DUOX1: variants seen among roughly 807,000 people sequenced by gnomAD.
DUOX1 encodes the protein dual oxidase 1, also known as NADPH thyroid oxidase 1.
Under a neutral mutation model 181.8 loss-of-function variants are expected in DUOX1, and 134 were observed. That is an observed-to-expected ratio of 0.74 (90% confidence interval 0.64 to 0.85). The LOEUF is 0.85. Among genes scored for constraint, DUOX1 ranks in the 40% least tolerant of loss-of-function variants. DUOX1 has a pLI of 0.00. For synonymous variants in DUOX1, 798 were observed against 832.5 expected, an observed-to-expected ratio of 0.96 and a Z score of 0.71; for missense variants, 1,814 against 2,064.4, an observed-to-expected ratio of 0.88 and a Z score of 2.35.
Position 45,160,839 on chromosome 15 carries a change from C to G in DUOX1, c.3705C>G (p.Leu1235=), listed in dbSNP as rs1567021272. 6.2e-7 allele frequency: 1 copy of G among 1,603,294 alleles called. No homozygotes were observed. Among genetic ancestry groups the G allele is most frequent in the East Asian group, 2.2e-5 (1 of 44,848 alleles). Residue 1235 remains leucine, a splice_region_variant and synonymous_variant, in exon 29 of 34, where the codon CTC becomes CTG. Transcript: ENST00000389037. ...HHLYILLYVL[L]IIHGSFALIQ... The stretch of plus-strand genomic sequence containing the variant: ...GCAGAGCTCTTTCCTCCATCTAGCT[C>G]ATCATCCATGGTAGCTTTGCCCTGA...
At position 45,143,202 on chromosome 15, in the gene DUOX1, G is replaced by T; in HGVS notation, c.1835G>T (p.Ser612Ile). ...LCCFPLVSLLSAWIVARLRMR... is the reference protein window; with the variant it reads ...LCCFPLVSLLIAWIVARLRMR... ...TCTGCCCTCCCAGTGAGCCTGCTCAGTGCCTGGATTGTTGCCCGGCTCCGG... is the reference window on the plus strand; with the variant it reads ...TCTGCCCTCCCAGTGAGCCTGCTCATTGCCTGGATTGTTGCCCGGCTCCGG... Residue 612 changes from serine to isoleucine, a missense_variant, in exon 16 of 34, where the codon AGT becomes ATT. Ser to Ile is a moderately radical substitution (Grantham distance 142, BLOSUM62 -2). Around this residue, in one of 5 missense-constraint regions of DUOX1, gnomAD observed 1,064 missense variants for 1,152.9 expected, o/e 0.92. Transcript: ENST00000389037. The T allele has an allele frequency of 6.2e-7, 1 of 1,614,122 alleles. No individual in the cohort carries two copies.
chr15:45,143,796 T>C (rs1019356582), intron 16 of DUOX1, among the ~76,000 whole-genome samples: 1 of 152,262 alleles, frequency 6.6e-6, no homozygotes, highest in Non-Finnish European at 1.5e-5. Flanking sequence ...AAATAATTCA[T>C]GCAAAGCACT....
At chr15:45,136,851 C>A (rs902208180) in intron 9 of DUOX1, among the ~76,000 whole-genome samples, 1 of 152,204 alleles carries the variant, frequency 6.6e-6, no homozygotes, top group Non-Finnish European at 1.5e-5. Context: ...TACCCTCCCC[C>A]CCACCATTAA....
intron 20 of DUOX1, 94 bp from the exon 21 acceptor site, chr15:45,148,178 G>C (rs191062753): frequency 6.3e-7 from 1 of 1,574,928 alleles, no homozygotes; most frequent in Admixed American, 1.7e-5. Context: ...CCTCCACATG[G>C]GCACAGAGAA....
At position 45,144,491 on chromosome 15, in the gene DUOX1, A is replaced by G. The variant is rs113306988; in HGVS notation, c.2136+256A>G. 4.1e-3 allele frequency among the ~76,000 whole-genome samples: 630 copies of G among 152,238 alleles called. 2 individuals are homozygous for G. The highest frequency in any genetic ancestry group is 0.014 in the African/African-American group (599 of 41,542). ...ACCACAGTCTGCCTCCTCCTTTTCT[A>G]AGGACAACCTGTCAGGTCCCAGCTG... On this transcript the variant is annotated intron_variant, in intron 17 of 33. Coordinates refer to ENST00000389037, the MANE Select transcript of DUOX1 (RefSeq NM_175940.3).
chr15:45,153,219 T>TA (rs71114313), intron 25 of DUOX1, 161 bp from the exon 26 acceptor site: 20,797 of 198,666 alleles, frequency 0.1, 2,010 homozygotes, highest in African/African-American at 0.18. Flanking sequence ...AGACTCCATC[T>TA]AAAAAAAAAA....
chr15:45,147,939 A>C lies in DUOX1; in HGVS notation c.2584A>C (p.Met862Leu). ...PEEKSRLMFR[M>L]YDFDGNGLIS... ...GGAAAAGTCTCGCCTTATGTTCCGC[A>C]TGTACGACTTTGATGGGAATGGCCT... is the stretch of plus-strand genomic sequence containing the variant. The change falls in exon 20 of 34, where the codon ATG becomes CTG. Residue 862 changes from methionine to leucine, a missense_variant. By Grantham distance (15) the Met-to-Leu change is conservative (BLOSUM62 2). Transcript: ENST00000389037. The C allele has an allele frequency of 6.2e-7, 1 of 1,614,180 alleles. No homozygotes were observed. Among genetic ancestry groups the C allele is most frequent in the Non-Finnish European group, 8.5e-7 (1 of 1,180,020 alleles).
At position 45,151,146 on chromosome 15, in the gene DUOX1, G is replaced by A. The variant is rs375085392; in HGVS notation, c.2912G>A (p.Arg971His). 1.9e-5 allele frequency: 31 copies of A among 1,614,152 alleles called. No homozygotes were observed. The African/African-American group carries it at 2.1e-4, about 11-fold the overall frequency. Residue 971 changes from arginine (R) to histidine (H), a missense_variant, in exon 23 of 34, where the codon CGC (arginine) becomes CAC (histidine). Transcript: ENST00000389037. ...AGTCCCTCTCCCAGAGTGAGTGCCC[G>A]CTGTTCCCGCAGCGACATTGAGACT... ...MICPSPRVSA[R>H]CSRSDIETEL...
intron 33 of DUOX1, 60 bp from the exon 34 acceptor site, chr15:45,164,719 C>T: frequency 6.2e-7 from 1 of 1,605,830 alleles, no homozygotes; most frequent in Non-Finnish European, 8.5e-7. Context: ...TTCCTCTGAA[C>T]ACTGCGTTAT....
At chr15:45,143,682 C>CTATT (rs1896567782) in intron 16 of DUOX1, among the ~76,000 whole-genome samples, 1 of 151,936 alleles carries the variant, frequency 6.6e-6, no homozygotes, top group Non-Finnish European at 1.5e-5. Context: ...CCACTATGGG[C>CTATT]TATTGGGCCT....
chr15:45,130,475 C>A (rs866708505), intron 1 of DUOX1, among the ~76,000 whole-genome samples: 7 of 152,312 alleles, frequency 4.6e-5, no homozygotes, highest in Middle Eastern at 3.4e-3. Context: ...CTTCCTCCCA[C>A]CTCAGGGCCA....
At chr15:45,134,377 G>T (rs1307414681) in intron 4 of DUOX1, 68 bp downstream of exon 4, 12 of 1,479,824 alleles carry the variant, frequency 8.1e-6, no homozygotes, top group African/African-American at 1.4e-5. Context: ...TGTGAAGAGG[G>T]GTCAGAGGAT....
At chr15:45,134,738 G>A (rs1157819636) in intron 4 of DUOX1, among the ~76,000 whole-genome samples, 2 of 152,158 alleles carry the variant, frequency 1.3e-5, no homozygotes, top group African/African-American at 2.4e-5. Context: ...AAGTCAAAGT[G>A]GGGGTGCTAG....
intron 10 of DUOX1, chr15:45,138,586 A>G (rs1475855457): frequency 6.2e-6 from 1 of 160,014 alleles, no homozygotes; most frequent in African/African-American, 2.4e-5. Context: ...TAAAGTGTTT[A>G]CTAAGGGGAA....
Position 45,133,935 on chromosome 15 carries a change from T to A in DUOX1, c.130T>A (p.Trp44Arg). Residue 44 changes from tryptophan (W) to arginine (R), a missense_variant, in exon 3 of 34, where the codon TGG becomes AGG. Trp to Arg is a moderately radical substitution (Grantham distance 101). Around this residue, in one of 5 missense-constraint regions of DUOX1, gnomAD observed 320 missense variants for 313.1 expected, o/e 1.02. Transcript: ENST00000389037. Reference sequence around the variant, plus strand: ...GTACAACAACCTCATGGAGCACAGATGGGGCAGCAAAGGTAAGTGAGAGCC... The same window carrying A: ...GTACAACAACCTCATGGAGCACAGAAGGGGCAGCAAAGGTAAGTGAGAGCC... ...GWYNNLMEHR[W>R]GSKGSRLQRL... The A allele has an allele frequency of 1.2e-6, 2 of 1,613,738 alleles. No individual in the cohort carries two copies. Among genetic ancestry groups the A allele is most frequent in the South Asian group, 2.2e-5 (2 of 91,060 alleles).
In DUOX1 at chr15:45,151,246, GAAGT is replaced by G. The variant is rs778828348; in HGVS notation, c.3014_3014+3del. On this transcript the variant is annotated splice_donor_variant and coding_sequence_variant, in exon 23 of 34. Coordinates refer to ENST00000389037, the MANE Select transcript of DUOX1 (RefSeq NM_175940.3). LOFTEE classifies it high-confidence loss of function. ...AGGAGATTCGGCGGAGGTTTGGCAA[GAAGT>G]ATGTCTGCTCTTCCCCTTAAGCCCA... 1 of 1,613,788 alleles carries G rather than the reference GAAGT, an allele frequency of 6.2e-7. No individual in the cohort carries two copies. Among genetic ancestry groups the G allele is most frequent in the Non-Finnish European group, 8.5e-7 (1 of 1,179,912 alleles).
intron 33 of DUOX1, among the ~76,000 whole-genome samples, 163 bp from the exon 34 acceptor site, chr15:45,164,616 G>A (rs1258567661): frequency 2.0e-5 from 3 of 152,026 alleles, no homozygotes; most frequent in Non-Finnish European, 4.4e-5. Flanking sequence ...CTACAGGAGT[G>A]CACCACTATG....
chr15:45,154,111 C>A, intron 27 of DUOX1, 111 bp downstream of exon 27: 3 of 1,029,388 alleles, frequency 2.9e-6, no homozygotes, highest in Non-Finnish European at 3.1e-6. Context: ...CTTCCGGTGA[C>A]CCAGGCTCTG....
At chr15:45,138,928 G>C in intron 10 of DUOX1, 138 bp from the exon 11 acceptor site, 1 of 741,992 alleles carries the variant, frequency 1.3e-6, no homozygotes, top group Non-Finnish European at 2.2e-6. Context: ...TGCAGAAGAG[G>C]AATGTCCCAC....
Sources: gnomAD v4.1 joint callset for allele counts (sites outside exome capture counted in the v4.1 genomes callset) on GRCh38, gnomAD v4.1.1 for gene constraint, gnomAD v4.1.1 regional missense constraint, MANE v1.5 for transcripts, NCBI Gene and HGNC (gene_info 2026-07-23, HGNC 2026-07-21) for gene names.